Variants in CLCN5 observed in about 807,000 individuals in gnomAD.
CLCN5 encodes the protein H(+)/Cl(-) exchange transporter 5.
Under a neutral mutation model 54.0 loss-of-function variants are expected in CLCN5, and 17 were observed. That is an observed-to-expected ratio of 0.31 (90% CI 0.22 to 0.47). The LOEUF (loss-of-function observed/expected upper bound fraction) is 0.47, where lower values mean the gene tolerates loss of function less well. Among genes scored for constraint, CLCN5 ranks in the 20% least tolerant of loss-of-function variants. CLCN5 has a pLI of 1.00. For synonymous variants in CLCN5, 222 were observed against 233.0 expected, an observed-to-expected ratio of 0.95 and a Z score of 0.43; for missense variants, 448 against 646.7, an observed-to-expected ratio of 0.69 and a Z score of 3.33.
intron 3 of CLCN5, among the ~76,000 whole-genome samples, chrX:49,997,678 A>C (rs1602026749): frequency 9.4e-6 from 1 of 106,779 alleles, no homozygotes; most frequent in African/African-American, 3.4e-5. Flanking sequence ...GATGTGTGCT[A>C]CTATGCCCGG....
At chrX:49,994,124 T>A (rs1378063778) in intron 3 of CLCN5, among the ~76,000 whole-genome samples, 1 of 111,648 alleles carries the variant, frequency 9.0e-6, no homozygotes, top group Non-Finnish European at 1.9e-5. Context: ...AGCAGAGAAT[T>A]TGGGGAGAAA....
chrX:50,025,957 T>G (rs1931364008), intron 3 of CLCN5, among the ~76,000 whole-genome samples: 1 of 112,059 alleles, frequency 8.9e-6, no homozygotes, highest in Non-Finnish European at 1.9e-5. Context: ...TTTAGTTACC[T>G]AAGGTGGAGG....
chrX:50,057,915 A>G (rs1932791039), intron 4 of CLCN5, among the ~76,000 whole-genome samples: 1 of 111,099 alleles, frequency 9.0e-6, no homozygotes, highest in African/African-American at 3.3e-5. Context: ...TGGCAGATCT[A>G]GAATGGATGA....
At chrX:50,012,288 C>T (rs975775642) in intron 3 of CLCN5, among the ~76,000 whole-genome samples, 1 of 111,964 alleles carries the variant, frequency 8.9e-6, no homozygotes, top group Non-Finnish European at 1.9e-5. Flanking sequence ...TCATTAGCAG[C>T]ATCTTCTCAC....
chrX:50,060,741 A>G (rs1557189826), intron 4 of CLCN5, among the ~76,000 whole-genome samples: 1 of 111,380 alleles, frequency 9.0e-6, no homozygotes, highest in Non-Finnish European at 1.9e-5. Context: ...TAACCTCTGC[A>G]GACTTAAATG....
At chrX:50,009,440 T>A (rs1195448750) in intron 3 of CLCN5, among the ~76,000 whole-genome samples, 1 of 111,808 alleles carries the variant, frequency 8.9e-6, no homozygotes, top group Middle Eastern at 4.2e-3. Flanking sequence ...ATACAGTTTG[T>A]CCCAACCTCC....
chrX:49,966,554 A>G (rs1487155355), intron 3 of CLCN5, among the ~76,000 whole-genome samples: 2 of 86,060 alleles, frequency 2.3e-5, no homozygotes, highest in Non-Finnish European at 4.9e-5. Context: ...TCCTTTTTAA[A>G]TGTTTTCTAT....
chrX:49,972,277 T>G (rs182603042), intron 3 of CLCN5, among the ~76,000 whole-genome samples: 1 of 110,786 alleles, frequency 9.0e-6, no homozygotes, highest in Non-Finnish European at 1.9e-5. Flanking sequence ...TATAGTACAG[T>G]TATCAATTTC....
rs1216395676 is a variant in CLCN5 at position 49,939,062 on chromosome X, G to A, written c.16+13748G>A. Among the ~76,000 whole-genome samples, 39 of 110,493 alleles carry A rather than the reference G, an allele frequency of 3.5e-4. 1 individual carries two copies. Among genetic ancestry groups the A allele is most frequent in the African/African-American group, 1.2e-3 (37 of 30,354 alleles). ...ATGCTCATCATCACTGGCCATCAGA[G>A]AAATGCAAATCAAAACCACAATGAG... On this transcript the variant is annotated intron_variant, in intron 3 of 14. Transcript: ENST00000376091.
intron 4 of CLCN5, among the ~76,000 whole-genome samples, chrX:50,053,394 T>C (rs888071980): frequency 9.0e-6 from 1 of 111,485 alleles, no homozygotes; most frequent in Non-Finnish European, 1.9e-5. Context: ...ATTTCTGATA[T>C]GGTAATTTGT....
chrX:50,079,579 A>G (rs1303039850), intron 7 of CLCN5, among the ~76,000 whole-genome samples: 3 of 112,260 alleles, frequency 2.7e-5, no homozygotes, highest in African/African-American at 9.7e-5. Context: ...GAATAGTCTC[A>G]AAAAGTATAT....
chrX:50,017,551 A>G (rs1479473600), intron 3 of CLCN5, among the ~76,000 whole-genome samples: 1 of 111,563 alleles, frequency 9.0e-6, no homozygotes, highest in African/African-American at 3.2e-5. Context: ...AAAGGTCACC[A>G]CCAAACCTAA....
rs372916883 is a variant in CLCN5, at chrX:50,092,369, A to G, written c.*150A>G. Reference sequence around the variant, plus strand: ...TTCCTACAAGTTAACCAGTTGCACTACATAATCTCTGGAAATTAATTTTCT... The same window carrying G: ...TTCCTACAAGTTAACCAGTTGCACTGCATAATCTCTGGAAATTAATTTTCT... On this transcript the variant is annotated 3_prime_UTR_variant, in exon 15 of 15. Coordinates refer to ENST00000376091, the MANE Select transcript of CLCN5 (RefSeq NM_001127898.4). The G allele has an allele frequency of 1.5e-5, 7 of 454,848 alleles. No individual in the cohort carries two copies. The highest frequency in any genetic ancestry group is 1.5e-5 in the Non-Finnish European group (4 of 258,381). 37.5% of individuals were successfully genotyped at this position (454,848 alleles called of 1,213,427 possible).
chrX:49,997,637 T>A (rs1034986753), intron 3 of CLCN5, among the ~76,000 whole-genome samples: 1 of 110,037 alleles, frequency 9.1e-6, no homozygotes, highest in African/African-American at 3.3e-5. Context: ...GCAATCCTCC[T>A]ACCTCAGCCT....
intron 3 of CLCN5, among the ~76,000 whole-genome samples, chrX:49,956,488 T>G (rs186998737): frequency 1.8e-5 from 2 of 112,447 alleles, no homozygotes; most frequent in African/African-American, 6.5e-5. Context: ...TTGTTGTTGC[T>G]TTTGCTGTTG....
At position 50,090,490 on chromosome X, in the gene CLCN5, C is replaced by T. The variant is rs797044813; in HGVS notation, c.2119C>T (p.Arg707Ter). 1 of 1,207,009 alleles carries T rather than the reference C, an allele frequency of 8.3e-7. No homozygotes were observed. The highest frequency in any genetic ancestry group is 1.1e-6 in the Non-Finnish European group (1 of 893,232). The change falls in exon 13 of 15, where the codon CGA (arginine) becomes TGA (stop). Residue 707 changes from arginine to a stop codon, truncating the protein, a stop_gained. Transcript: ENST00000376091. LOFTEE classifies it high-confidence loss of function. ...CCAAAGACTTGTGGGCTTTGTCCTCCGAAGAGATCTCATTATTTCAATTGG... is the reference window on the plus strand; with the variant it reads ...CCAAAGACTTGTGGGCTTTGTCCTCTGAAGAGATCTCATTATTTCAATTGG... ...ESQRLVGFVL[R>*]RDLIISIENA...
rs782607847 is a variant in CLCN5 at position 49,942,525 on chromosome X, G to A, written c.16+17211G>A. Among the ~76,000 whole-genome samples the A allele has an allele frequency of 2.5e-4, 27 of 108,202 alleles. No individual in the cohort carries two copies. In the East Asian group the frequency reaches 5.9e-3, roughly 24 times the overall value. The allele number at this position is 108,202 out of a possible 115,157, so 94.0% of individuals were successfully genotyped here. A position where few individuals can be genotyped will look rare whatever the true frequency, so the allele number is the denominator to read the frequency against. Reference sequence around the variant, plus strand: ...CCTATTAACTCATCATTTACATTAGGTATACCTCCTAATGGTATCCCTCCC... The same window carrying A: ...CCTATTAACTCATCATTTACATTAGATATACCTCCTAATGGTATCCCTCCC... On this transcript the variant is annotated intron_variant, in intron 3 of 14. Coordinates refer to ENST00000376091, the MANE Select transcript of CLCN5 (RefSeq NM_001127898.4).
Position 50,090,906 on chromosome X carries a change from G to T in CLCN5, c.2360+20G>T, listed in dbSNP as rs1557194740. ...CAACGGGTAAGAAGTCTTGAGTGAA[G>T]TCAAATTGAATTGTGGGAGAAAGAG... is the stretch of plus-strand genomic sequence containing the variant. On this transcript the variant is annotated intron_variant, in intron 14 of 14. Coordinates refer to ENST00000376091, the MANE Select transcript of CLCN5 (RefSeq NM_001127898.4). The T allele has an allele frequency of 8.8e-7, 1 of 1,141,890 alleles. No homozygotes were observed. Among genetic ancestry groups the T allele is most frequent in the East Asian group, 3.0e-5 (1 of 33,563 alleles). The allele number at this position is 1,141,890 out of a possible 1,213,427, so 94.1% of individuals were successfully genotyped here.
At chrX:50,073,338 G>A (rs1378660635) in intron 6 of CLCN5, among the ~76,000 whole-genome samples, 1 of 111,530 alleles carries the variant, frequency 9.0e-6, no homozygotes, top group Non-Finnish European at 1.9e-5. Flanking sequence ...TGGAAACCTG[G>A]AGGTGGAAGG....
Sources: allele counts gnomAD v4.1 joint callset (sites outside exome capture counted in the v4.1 genomes callset), GRCh38; gene constraint gnomAD v4.1.1; transcripts MANE v1.5; gene names NCBI Gene and HGNC (gene_info 2026-07-23, HGNC 2026-07-21).